Variants in DEFA6 observed in about 807,000 individuals in gnomAD.
DEFA6 encodes the protein defensin alpha 6.
DEFA6 carries 8 observed loss-of-function variants against 5.1 expected under a neutral mutation model. The observed-to-expected ratio is 1.57, with a 90% CI of 0.92 to 2.83. The LOEUF (loss-of-function observed/expected upper bound fraction) is 2.83. Among genes scored for constraint, DEFA6 ranks in the 30% most tolerant of loss-of-function variants. The pLI is 0.00. For synonymous variants in DEFA6, 74 were observed against 45.3 expected (o/e 1.63, Z -2.54); for missense variants, 191 against 119.1 (o/e 1.60, Z -2.81).
Position 6,926,043 on chromosome 8 carries a change from G to C in DEFA6, c.-8C>G, listed in dbSNP as rs1278756253. 6.2e-7 allele frequency: 1 copy of C among 1,602,472 alleles called. No individual in the cohort carries two copies. The highest frequency in any genetic ancestry group is 1.1e-5 in the South Asian group (1 of 88,926). The stretch of plus-strand genomic sequence containing the variant: ...GATGGTGAGGGTTCTCATGGCTAGG[G>C]TCGCTGGAGGAGAGAGAGCAGGAGC... On this transcript the variant is annotated 5_prime_UTR_variant, in exon 1 of 2. Transcript: ENST00000297436.
At chr8:6,925,782 T>C in intron 1 of DEFA6, 61 bp downstream of exon 1, 2 of 1,464,224 alleles carry the variant, frequency 1.4e-6, no homozygotes, top group Non-Finnish European at 1.8e-6. Context: ...TTGGATCTAA[T>C]TCTAGAAGTG....
chr8:6,925,728 A>G, intron 1 of DEFA6, 115 bp downstream of exon 1: 1 of 786,324 alleles, frequency 1.3e-6, no homozygotes, highest in African/African-American at 1.8e-5. Context: ...ACATAAAGTA[A>G]TTGAGGCCTG....
intron 1 of DEFA6, 46 bp from the exon 2 acceptor site, chr8:6,924,973 G>T: frequency 1.5e-6 from 2 of 1,298,016 alleles, no homozygotes; most frequent in East Asian, 2.3e-5. Context: ...ACCAGGGTCA[G>T]CAGCGGGCAG....
In DEFA6 at chr8:6,924,801, C is replaced by T. The variant is rs756517829; in HGVS notation, c.*17G>A. 9.2e-6 allele frequency: 14 copies of T among 1,526,478 alleles called. No homozygotes were observed. In the East Asian group the frequency reaches 1.1e-4, roughly 12 times the overall value. The allele number at this position is 1,526,478 out of a possible 1,614,324, so 94.6% of individuals were successfully genotyped here. A position where few individuals can be genotyped will look rare whatever the true frequency, so the allele number is the denominator to read the frequency against. On this transcript the variant is annotated 3_prime_UTR_variant, in exon 2 of 2. Transcript: ENST00000297436. ...CATAAAGTAAATTATGAATATATTT[C>T]TCTCTGTTCTCATCCCTCAGAGGCA...
At chr8:6,924,964 C>G (rs374916917) in intron 1 of DEFA6, 37 bp from the exon 2 acceptor site, 1 of 1,415,452 alleles carries the variant, frequency 7.1e-7, no homozygotes, top group Non-Finnish European at 1.0e-6. Flanking sequence ...AAATTGAGCA[C>G]CAGGGTCAGC....
chr8:6,926,045 C>A lies in DEFA6; in HGVS notation c.-10G>T. 6.2e-7 allele frequency: 1 copy of A among 1,600,652 alleles called. No individual in the cohort carries two copies. Among genetic ancestry groups the A allele is most frequent in the Non-Finnish European group, 8.5e-7 (1 of 1,174,376 alleles). On this transcript the variant is annotated 5_prime_UTR_variant, in exon 1 of 2. Coordinates refer to ENST00000297436, the MANE Select transcript of DEFA6 (RefSeq NM_001926.4). ...TGGTGAGGGTTCTCATGGCTAGGGT[C>A]GCTGGAGGAGAGAGAGCAGGAGCAG...
rs1808369679 is a variant in DEFA6 at position 6,924,849 on chromosome 8, A to G, written c.272T>C (p.Met91Thr). 1.2e-6 allele frequency: 2 copies of G among 1,610,968 alleles called. No individual in the cohort carries two copies. The highest frequency in any genetic ancestry group is 2.2e-5 in the East Asian group (1 of 44,770). Residue 91 changes from methionine to threonine, a missense_variant, in exon 2 of 2, where the codon ATG (methionine) becomes ACG (threonine). Met to Thr is a moderately conservative substitution (Grantham distance 81). Transcript: ENST00000297436. ...GCAGCAGAATCTGTGGTTAATACCC[A>G]TGACAGTGCAGGTCCCATAGGAATA... ...TEYSYGTCTVMGINHRFCCL is the reference protein window; with the variant it reads ...TEYSYGTCTVTGINHRFCCL
Position 6,924,749 on chromosome 8 carries a change from A to C in DEFA6, c.*69T>G. The C allele has an allele frequency of 9.3e-7, 1 of 1,074,752 alleles. No homozygotes were observed. The highest frequency in any genetic ancestry group is 1.4e-6 in the Non-Finnish European group (1 of 727,444). 66.6% of individuals were successfully genotyped at this position (1,074,752 alleles called of 1,614,324 possible). A position where few individuals can be genotyped will look rare whatever the true frequency, so the allele number is the denominator to read the frequency against. The stretch of plus-strand genomic sequence containing the variant: ...GGAAACAAAGTTGATGGCAATGTAT[A>C]GGACACACGACAGTTTCCTTCTAGG... On this transcript the variant is annotated 3_prime_UTR_variant, in exon 2 of 2. Coordinates refer to ENST00000297436, the MANE Select transcript of DEFA6 (RefSeq NM_001926.4).
Position 6,925,991 on chromosome 8 carries a change from G to A in DEFA6, c.45C>T (p.Leu15=). The change falls in exon 1 of 2, where the codon CTC becomes CTT. Residue 15 remains leucine (L), a synonymous_variant. Coordinates refer to ENST00000297436, the MANE Select transcript of DEFA6 (RefSeq NM_001926.4). ...TILTAVLLVA[L]QAKAEPLQAE... is the part of the protein sequence containing the mutation. ...CTTGGAGTGGCTCAGCCTTGGCCTGGAGGGCCACGAGGAGAACAGCAGTGA... is the reference window on the plus strand; with the variant it reads ...CTTGGAGTGGCTCAGCCTTGGCCTGAAGGGCCACGAGGAGAACAGCAGTGA... 1 of 1,613,424 alleles carries A rather than the reference G, an allele frequency of 6.2e-7. No homozygotes were observed. The highest frequency in any genetic ancestry group is 1.1e-5 in the South Asian group (1 of 90,824).
chr8:6,926,027 G>T lies in DEFA6; in HGVS notation c.9C>A (p.Thr3=), dbSNP rs1421383929. Residue 3 remains threonine (T), a synonymous_variant, in exon 1 of 2, where the codon ACC becomes ACA. Coordinates refer to ENST00000297436, the MANE Select transcript of DEFA6 (RefSeq NM_001926.4). ...GGAGAACAGCAGTGAGGATGGTGAG[G>T]GTTCTCATGGCTAGGGTCGCTGGAG... is the stretch of plus-strand genomic sequence containing the variant. MR[T]LTILTAVLLV... is the part of the protein sequence containing the mutation. The T allele has an allele frequency of 1.2e-6, 2 of 1,609,582 alleles. No homozygotes were observed. Among genetic ancestry groups the T allele is most frequent in the South Asian group, 1.1e-5 (1 of 90,070 alleles).
intron 1 of DEFA6, 64 bp downstream of exon 1, chr8:6,925,779 T>C (rs1808413489): frequency 2.1e-6 from 3 of 1,434,888 alleles, no homozygotes; most frequent in Non-Finnish European, 2.8e-6. Context: ...CTGTTGGATC[T>C]AATTCTAGAA....
chr8:6,925,900 C>G lies in DEFA6; in HGVS notation c.136G>C (p.Asp46His), dbSNP rs573399640. ...GCAAAGGAGACGGCAAAGTCCTGGT[C>G]ATTTGCCCCACGCTGCTCCTGGGCA... ...ADAQEQRGAN[D>H]QDFAVSFAED... The change falls in exon 1 of 2, where the codon GAC becomes CAC. Residue 46 changes from aspartate to histidine, a missense_variant. Coordinates refer to ENST00000297436, the MANE Select transcript of DEFA6 (RefSeq NM_001926.4). The G allele has an allele frequency of 1.2e-4, 192 of 1,614,014 alleles. No homozygotes were observed. Among genetic ancestry groups the G allele is most frequent in the Non-Finnish European group, 1.6e-4 (189 of 1,180,032 alleles).
rs1187372630 is a variant in DEFA6 at position 6,925,981 on chromosome 8, C to T, written c.55G>A (p.Ala19Thr). Residue 19 changes from alanine to threonine, a missense_variant, in exon 1 of 2, where the codon GCT becomes ACT. Physicochemically the swap from Ala to Thr is moderately conservative, Grantham distance 58. Transcript: ENST00000297436. Reference sequence around the variant, plus strand: ...TCATCCTCAGCTTGGAGTGGCTCAGCCTTGGCCTGGAGGGCCACGAGGAGA... The same window carrying T: ...TCATCCTCAGCTTGGAGTGGCTCAGTCTTGGCCTGGAGGGCCACGAGGAGA... The part of the protein sequence containing the change: ...AVLLVALQAK[A>T]EPLQAEDDPL... 1 of 1,613,600 alleles carries T rather than the reference C, an allele frequency of 6.2e-7. No individual in the cohort carries two copies. Among genetic ancestry groups the T allele is most frequent in the Non-Finnish European group, 8.5e-7 (1 of 1,179,898 alleles).
Position 6,926,042 on chromosome 8 carries a change from G to C in DEFA6, c.-7C>G. 6.2e-7 allele frequency: 1 copy of C among 1,602,392 alleles called. No individual in the cohort carries two copies. The highest frequency in any genetic ancestry group is 8.5e-7 in the Non-Finnish European group (1 of 1,175,226). ...GGATGGTGAGGGTTCTCATGGCTAG[G>C]GTCGCTGGAGGAGAGAGAGCAGGAG... On this transcript the variant is annotated 5_prime_UTR_variant, in exon 1 of 2. Coordinates refer to ENST00000297436, the MANE Select transcript of DEFA6 (RefSeq NM_001926.4).
In DEFA6 at chr8:6,924,762, G is replaced by C. The variant is rs1189612075; in HGVS notation, c.*56C>G. 7.8e-7 allele frequency: 1 copy of C among 1,286,076 alleles called. No individual in the cohort carries two copies. The highest frequency in any genetic ancestry group is 1.5e-5 in the African/African-American group (1 of 68,560). 79.7% of individuals were successfully genotyped at this position (1,286,076 alleles called of 1,614,324 possible). ...ATGGCAATGTATAGGACACACGACA[G>C]TTTCCTTCTAGGTCATAAAGTAAAT... is the stretch of plus-strand genomic sequence containing the variant. On this transcript the variant is annotated 3_prime_UTR_variant, in exon 2 of 2. Coordinates refer to ENST00000297436, the MANE Select transcript of DEFA6 (RefSeq NM_001926.4).
chr8:6,925,128 C>G (rs770780337), intron 1 of DEFA6, among the ~76,000 whole-genome samples: 1 of 152,182 alleles, frequency 6.6e-6, no homozygotes, highest in African/African-American at 2.4e-5. Context: ...TTCTGATATG[C>G]TGTACTTATC....
intron 1 of DEFA6, 124 bp from the exon 2 acceptor site, chr8:6,925,051 A>G (rs1808378963): frequency 3.2e-6 from 2 of 624,910 alleles, no homozygotes; most frequent in Non-Finnish European, 5.8e-6. Context: ...AGCCAATAGC[A>G]TGATCACACC....
At chr8:6,925,736 C>G (rs1808408284) in intron 1 of DEFA6, 107 bp downstream of exon 1, 1 of 895,260 alleles carries the variant, frequency 1.1e-6, no homozygotes, top group Non-Finnish European at 1.6e-6. Flanking sequence ...TAATTGAGGC[C>G]TGGGGAGGTG....
In DEFA6 at chr8:6,924,898, T is replaced by C; in HGVS notation, c.223A>G (p.Arg75Gly). Residue 75 changes from arginine (R) to glycine (G), a missense_variant, in exon 2 of 2, where the codon AGA becomes GGA. Transcript: ENST00000297436. ...GSTRAFTCHC[R>G]RSCYSTEYSY... ...TATTCTGTTGAATAACAGGACCTTC[T>C]GCAATGGCAAGTGAAAGCCCTTGTT... The C allele has an allele frequency of 6.2e-7, 1 of 1,610,114 alleles. No individual in the cohort carries two copies. Among genetic ancestry groups the C allele is most frequent in the Non-Finnish European group, 8.5e-7 (1 of 1,176,732 alleles).
Sources: allele counts gnomAD v4.1 joint callset (sites outside exome capture counted in the v4.1 genomes callset), GRCh38; gene constraint gnomAD v4.1.1; transcripts MANE v1.5; gene names NCBI Gene and HGNC (gene_info 2026-07-23, HGNC 2026-07-21).